The following COBL variants were observed in gnomAD, a reference collection of about 807,000 sequenced individuals.
COBL encodes the protein cordon-bleu WH2 repeat protein, also known as protein cordon-bleu.
COBL carries 51 observed loss-of-function variants against 98.8 expected under a neutral mutation model. That is an observed-to-expected ratio of 0.52 (90% CI 0.41 to 0.65). COBL has a LOEUF of 0.65. COBL is among the 30% of genes least tolerant of loss of function. The probability of loss-of-function intolerance (pLI) is 0.00; values close to 1 mark genes in which losing one functional copy is unlikely to be tolerated. For synonymous variants in COBL, 634 were observed against 651.7 expected, an observed-to-expected ratio of 0.97 and a Z score of 0.41; for missense variants, 1,617 against 1,617.5, an observed-to-expected ratio of 1.00 and a Z score of 0.01.
intron 1 of COBL, among the ~76,000 whole-genome samples, chr7:51,291,981 G>A (rs1800944879): frequency 6.6e-6 from 1 of 151,940 alleles, no homozygotes; most frequent in Non-Finnish European, 1.5e-5. Flanking sequence ...GACCAACATG[G>A]TGAAACCCTG....
chr7:51,093,132 G>A (rs542590559), intron 6 of COBL, among the ~76,000 whole-genome samples: 121 of 152,162 alleles, frequency 8.0e-4, no homozygotes, highest in Non-Finnish European at 1.3e-3. Flanking sequence ...CCATATAGCT[G>A]ATAAAAGGCT....
intron 5 of COBL, among the ~76,000 whole-genome samples, chr7:51,161,099 G>A (rs1017674648): frequency 6.6e-6 from 1 of 152,026 alleles, no homozygotes; most frequent in Admixed American, 6.5e-5. Flanking sequence ...CTCAGCCCTC[G>A]GAACACATTT....
chr7:51,162,754 T>C (rs184894255), intron 5 of COBL, among the ~76,000 whole-genome samples: 8 of 152,338 alleles, frequency 5.3e-5, no homozygotes, highest in East Asian at 1.9e-4. Context: ...AGGTTCTGCA[T>C]GCTGGGCCAG....
At position 51,316,710 on chromosome 7, in the gene COBL, C is replaced by A; in HGVS notation, c.-77G>T. Reference sequence around the variant, plus strand: ...CTGGCTACCGCCGCCACCGCTGCCGCCCTCATTCACTTTTTCCGCGCTGAC... The same window carrying A: ...CTGGCTACCGCCGCCACCGCTGCCGACCTCATTCACTTTTTCCGCGCTGAC... On this transcript the variant is annotated 5_prime_UTR_variant, in exon 1 of 13. Coordinates refer to ENST00000265136, the MANE Select transcript of COBL (RefSeq NM_015198.5). 9.2e-7 allele frequency: 1 copy of A among 1,082,518 alleles called. No homozygotes were observed. The highest frequency in any genetic ancestry group is 1.2e-6 in the Non-Finnish European group (1 of 862,652). The allele number at this position is 1,082,518 out of a possible 1,614,324, so 67.1% of individuals were successfully genotyped here. A position where few individuals can be genotyped will look rare whatever the true frequency, so the allele number is the denominator to read the frequency against.
intron 6 of COBL, among the ~76,000 whole-genome samples, chr7:51,117,390 T>C (rs1797371286): frequency 1.3e-5 from 2 of 152,084 alleles, no homozygotes; most frequent in Non-Finnish European, 2.9e-5. Context: ...TACTTTTTTT[T>C]CCAAAATTTT....
chr7:51,083,485 T>C (rs746773927), intron 7 of COBL, among the ~76,000 whole-genome samples: 23 of 152,204 alleles, frequency 1.5e-4, no homozygotes, highest in Non-Finnish European at 2.6e-4. Context: ...ATGTGCCTGG[T>C]TGCAATTTCT....
intron 6 of COBL, among the ~76,000 whole-genome samples, chr7:51,129,417 T>C (rs965352668): frequency 6.6e-6 from 1 of 152,080 alleles, no homozygotes; most frequent in African/African-American, 2.4e-5. Flanking sequence ...ATTATCATGT[T>C]TGGAGTTAGG....
chr7:51,206,853 T>C (rs1451289987), intron 2 of COBL, among the ~76,000 whole-genome samples: 1 of 152,220 alleles, frequency 6.6e-6, no homozygotes, highest in Non-Finnish European at 1.5e-5. Flanking sequence ...AGAAGAGTGG[T>C]TGCAGGGGCT....
At chr7:51,031,113 G>A in intron 8 of COBL, 1 of 582,198 alleles carries the variant, frequency 1.7e-6, no homozygotes, top group Non-Finnish European at 3.0e-6. Flanking sequence ...ACAGGTATGT[G>A]TGGGATGCGT....
At chr7:51,189,814 T>C (rs922925694) in intron 4 of COBL, among the ~76,000 whole-genome samples, 2 of 152,216 alleles carry the variant, frequency 1.3e-5, no homozygotes, top group Non-Finnish European at 1.5e-5. Context: ...AGAGAAACTT[T>C]TACGAAGTCC....
chr7:51,258,568 C>T (rs1351888355), intron 1 of COBL, among the ~76,000 whole-genome samples: 1 of 152,168 alleles, frequency 6.6e-6, no homozygotes, highest in African/African-American at 2.4e-5. Flanking sequence ...TTTGACCCTT[C>T]CTTTCCAGCT....
intron 1 of COBL, among the ~76,000 whole-genome samples, chr7:51,295,827 A>G (rs1158932147): frequency 1.3e-5 from 2 of 152,114 alleles, no homozygotes; most frequent in Non-Finnish European, 2.9e-5. Flanking sequence ...ACTTCTCCAT[A>G]CTTCTTTACC....
At chr7:51,129,704 A>T (rs890866862) in intron 6 of COBL, among the ~76,000 whole-genome samples, 2 of 152,076 alleles carry the variant, frequency 1.3e-5, no homozygotes, top group African/African-American at 4.8e-5. Context: ...GGATGCAGTG[A>T]CTGCCAAGCA....
intron 5 of COBL, among the ~76,000 whole-genome samples, chr7:51,138,750 T>TAC (rs1356607950): frequency 6.6e-6 from 1 of 152,206 alleles, no homozygotes; most frequent in African/African-American, 2.4e-5. Flanking sequence ...GTCAAAGAAC[T>TAC]ACACACCTGT....
rs1315091109 is a variant in COBL, at chr7:51,031,039, T to C, written c.1407-130A>G. On this transcript the variant is annotated intron_variant, in intron 8 of 12. Coordinates refer to ENST00000265136, the MANE Select transcript of COBL (RefSeq NM_015198.5). ...AGCAGTCACATACTCACTGTACTGC[T>C]GTTGTCCTCAGAACTACGGAGACGC... 4.4e-6 allele frequency: 3 copies of C among 681,066 alleles called. No individual in the cohort carries two copies. In the Admixed American group the frequency reaches 7.0e-5, roughly 16 times the overall value. The allele number at this position is 681,066 out of a possible 1,614,324, so 42.2% of individuals were successfully genotyped here. A position where few individuals can be genotyped will look rare whatever the true frequency, so the allele number is the denominator to read the frequency against.
intron 1 of COBL, among the ~76,000 whole-genome samples, chr7:51,288,742 A>G (rs113630928): frequency 7.9e-4 from 121 of 152,264 alleles, no homozygotes; most frequent in African/African-American, 2.8e-3. Context: ...CAACAAGAGC[A>G]AAACTCAGTC....
chr7:51,058,907 T>G (rs75083007), intron 7 of COBL, among the ~76,000 whole-genome samples: 6,660 of 152,340 alleles, frequency 0.044, 197 homozygotes, highest in Non-Finnish European at 0.07. Flanking sequence ...CCGGGGCTAC[T>G]GTCTGTGCAG....
At chr7:51,294,335 T>TAAATAAATAA (rs1563136822) in intron 1 of COBL, among the ~76,000 whole-genome samples, 7 of 133,124 alleles carry the variant, frequency 5.3e-5, no homozygotes, top group South Asian at 2.5e-4. Flanking sequence ...TAAATAAAAA[T>TAAATAAATAA]AAATAAATAA....
intron 4 of COBL, among the ~76,000 whole-genome samples, chr7:51,188,388 G>A (rs1207640929): frequency 6.6e-6 from 1 of 152,246 alleles, no homozygotes; most frequent in African/African-American, 2.4e-5. Flanking sequence ...GCGGTTGTAG[G>A]GGAGAAAGGG....
Sources: allele counts gnomAD v4.1 joint callset (sites outside exome capture counted in the v4.1 genomes callset), GRCh38; gene constraint gnomAD v4.1.1; transcripts MANE v1.5; gene names NCBI Gene and HGNC (gene_info 2026-07-23, HGNC 2026-07-21).